Variants in KDM2A observed in about 807,000 individuals in gnomAD.
KDM2A encodes lysine demethylase 2A, also known as lysine-specific demethylase 2A.
In KDM2A, 3 loss-of-function variants were observed where a neutral mutation model predicts 137.3. That is an observed-to-expected ratio of 0.02 (90% CI 0.01 to 0.06). KDM2A has a LOEUF of 0.06. KDM2A is among the 10% of genes least tolerant of loss of function. KDM2A has a pLI of 1.00. For synonymous variants in KDM2A, 512 were observed against 541.5 expected (o/e 0.95, Z 0.76); for missense variants, 738 against 1,510.6 (o/e 0.49, Z 8.48).
chr11:67,209,840 C>T (rs141631926), intron 6 of KDM2A, among the ~76,000 whole-genome samples: 1 of 152,070 alleles, frequency 6.6e-6, no homozygotes, highest in South Asian at 2.1e-4. Flanking sequence ...GTGGGAGTAT[C>T]CCTTGAGCCT....
rs530260710 is a variant in KDM2A at position 67,236,735 on chromosome 11, T to C, written c.1479+4775T>C. On this transcript the variant is annotated intron_variant, in intron 12 of 20. Coordinates refer to ENST00000529006, the MANE Select transcript of KDM2A (RefSeq NM_012308.3). ...TTGTTGTTAAAATTAACAAGATTAG[T>C]AAAATACTTAATAAGCAGTGCATTA... 5.3e-5 allele frequency among the ~76,000 whole-genome samples: 8 copies of C among 152,288 alleles called. No individual in the cohort carries two copies. In the East Asian group the frequency reaches 1.3e-3, roughly 26 times the overall value.
chr11:67,164,838 A>G (rs1280795387), intron 2 of KDM2A, among the ~76,000 whole-genome samples: 1 of 151,990 alleles, frequency 6.6e-6, no homozygotes, highest in African/African-American at 2.4e-5. Flanking sequence ...ATCTCAAGTG[A>G]TCTACCCACC....
At chr11:67,146,788 C>T (rs143927693) in intron 2 of KDM2A, among the ~76,000 whole-genome samples, 2 of 152,192 alleles carry the variant, frequency 1.3e-5, no homozygotes, top group Non-Finnish European at 2.9e-5. Context: ...GGTGCATGAG[C>T]CACCGTGCCT....
intron 5 of KDM2A, chr11:67,196,252 A>T: frequency 2.2e-6 from 1 of 456,176 alleles, no homozygotes; most frequent in African/African-American, 2.0e-5. Context: ...GCAGGCTACC[A>T]CTGCTGCCAC....
At chr11:67,251,029 T>C (rs1859408257) in intron 17 of KDM2A, among the ~76,000 whole-genome samples, 1 of 152,218 alleles carries the variant, frequency 6.6e-6, no homozygotes, top group Admixed American at 6.5e-5. Context: ...TACTTTCCCA[T>C]GTCTCATTGT....
chr11:67,180,565 T>C, intron 3 of KDM2A: 1 of 184,682 alleles, frequency 5.4e-6, no homozygotes, highest in Middle Eastern at 2.3e-3. Context: ...AAACTGAGGG[T>C]GGGATTCCAT....
chr11:67,223,980 T>G (rs1373729007), intron 10 of KDM2A, among the ~76,000 whole-genome samples: 1 of 152,254 alleles, frequency 6.6e-6, no homozygotes, highest in African/African-American at 2.4e-5. Flanking sequence ...GTTAAAAGTT[T>G]TAGCCACATA....
At chr11:67,251,116 T>A (rs1470866271) in intron 17 of KDM2A, among the ~76,000 whole-genome samples, 1 of 151,686 alleles carries the variant, frequency 6.6e-6, no homozygotes, top group East Asian at 1.9e-4. Context: ...GCTGAAAATT[T>A]CCTCCTCAAG....
Position 67,255,738 on chromosome 11 carries a change from C to T in KDM2A, c.*683C>T, listed in dbSNP as rs1859585762. ...ACTTACTTGCTAGTCTCTATGAGGT[C>T]CTTATTGCACTTATTGGGGTTGAAG... On this transcript the variant is annotated 3_prime_UTR_variant, in exon 21 of 21. Coordinates refer to ENST00000529006, the MANE Select transcript of KDM2A (RefSeq NM_012308.3). The T allele has an allele frequency of 2.7e-6, 1 of 363,970 alleles. No individual in the cohort carries two copies. Among genetic ancestry groups the T allele is most frequent in the Non-Finnish European group, 5.5e-6 (1 of 181,504 alleles). 22.5% of individuals were successfully genotyped at this position (363,970 alleles called of 1,614,324 possible). A position where few individuals can be genotyped will look rare whatever the true frequency, so the allele number is the denominator to read the frequency against.
chr11:67,203,940 A>G (rs950545111), intron 5 of KDM2A, among the ~76,000 whole-genome samples: 2 of 151,902 alleles, frequency 1.3e-5, no homozygotes, highest in East Asian at 1.9e-4. Flanking sequence ...AGCTGGGACT[A>G]TGGCCGCGTA....
rs1173303012 is a variant in KDM2A at position 67,254,650 on chromosome 11, T to C, written c.3308-224T>C. The stretch of plus-strand genomic sequence containing the variant: ...GCGCAGCCAACATCCAGCTGGAGTT[T>C]GGTCAGCCTTGCAGCCCTTGTGCTT... On this transcript the variant is annotated intron_variant, in intron 20 of 20. Transcript: ENST00000529006. The surrounding 1 kb of genome is among the most constrained non-coding windows in gnomAD (Gnocchi z 4.7). Among the ~76,000 whole-genome samples, 1 of 152,224 alleles carries C rather than the reference T, an allele frequency of 6.6e-6. No homozygotes were observed. Among genetic ancestry groups the C allele is most frequent in the Non-Finnish European group, 1.5e-5 (1 of 68,042 alleles).
chr11:67,195,664 T>C (rs183226864), intron 5 of KDM2A: 4 of 159,160 alleles, frequency 2.5e-5, no homozygotes, highest in African/African-American at 9.6e-5. Context: ...TCATGCTCTA[T>C]GCAGTCTGTA....
At chr11:67,183,942 C>G (rs2136339318) in intron 5 of KDM2A, among the ~76,000 whole-genome samples, 1 of 151,410 alleles carries the variant, frequency 6.6e-6, no homozygotes, top group South Asian at 2.1e-4. Context: ...GACCCTGTCT[C>G]TACAAAAAAT....
intron 2 of KDM2A, among the ~76,000 whole-genome samples, chr11:67,121,725 G>C (rs1171220071): frequency 2.0e-5 from 3 of 152,174 alleles, no homozygotes; most frequent in Non-Finnish European, 4.4e-5. Context: ...AGCTGTTTGA[G>C]GAAGGATAGT....
At chr11:67,121,442 C>T in intron 2 of KDM2A, 84 bp downstream of exon 2, 1 of 1,374,086 alleles carries the variant, frequency 7.3e-7, no homozygotes, top group Non-Finnish European at 1.0e-6. Flanking sequence ...TACTGTGAAT[C>T]TGTGATTAAA....
chr11:67,238,819 A>C (rs939390656), intron 12 of KDM2A, among the ~76,000 whole-genome samples: 2 of 152,218 alleles, frequency 1.3e-5, no homozygotes, highest in African/African-American at 4.8e-5. Context: ...TTGGCTCTAA[A>C]AAAGACCCAA....
intron 5 of KDM2A, among the ~76,000 whole-genome samples, chr11:67,197,888 C>G (rs971590073): frequency 3.3e-5 from 5 of 152,138 alleles, no homozygotes; most frequent in African/African-American, 1.2e-4. Context: ...AGAAACTTAA[C>G]TACCAATAAC....
At chr11:67,148,564 G>A (rs993322886) in intron 2 of KDM2A, among the ~76,000 whole-genome samples, 2 of 152,074 alleles carry the variant, frequency 1.3e-5, no homozygotes, top group East Asian at 3.8e-4. Context: ...ACTTTGGGAG[G>A]CCAAGGTGGG....
chr11:67,234,136 G>A (rs1858799820), intron 12 of KDM2A, among the ~76,000 whole-genome samples: 1 of 152,196 alleles, frequency 6.6e-6, no homozygotes, highest in Non-Finnish European at 1.5e-5. Flanking sequence ...TCCTATATTT[G>A]ATCAGTTATG....
Sources: allele counts gnomAD v4.1 joint callset (sites outside exome capture counted in the v4.1 genomes callset), GRCh38; gene constraint gnomAD v4.1.1; non-coding constraint Gnocchi (gnomAD v3.1); transcripts MANE v1.5; gene names NCBI Gene and HGNC (gene_info 2026-07-23, HGNC 2026-07-21).